Variants in NELL1 observed in about 807,000 individuals in gnomAD.
NELL1 encodes the protein protein kinase C-binding protein NELL1.
In NELL1, 76 loss-of-function variants were observed where a neutral mutation model predicts 107.4. That is an observed-to-expected ratio of 0.71 (90% CI 0.59 to 0.86). The LOEUF (loss-of-function observed/expected upper bound fraction) is 0.86. Ranked by LOEUF, NELL1 falls within the 40% of genes least tolerant of loss-of-function variation. NELL1 has a pLI of 0.00. For synonymous variants in NELL1, 353 were observed against 341.2 expected, an observed-to-expected ratio of 1.03 and a Z score of -0.38; for missense variants, 1,024 against 1,005.5, an observed-to-expected ratio of 1.02 and a Z score of -0.25.
intron 2 of NELL1, among the ~76,000 whole-genome samples, chr11:20,717,057 AGATTTTT>A (rs1379051879): frequency 6.6e-6 from 1 of 152,194 alleles, no homozygotes; most frequent in Non-Finnish European, 1.5e-5. Context: ...GGCTTGGTTC[AGATTTTT>A]GACAAACAAT....
chr11:21,141,248 GA>G (rs1855860236), intron 13 of NELL1, among the ~76,000 whole-genome samples: 1 of 152,098 alleles, frequency 6.6e-6, no homozygotes, highest in South Asian at 2.1e-4. Flanking sequence ...TTAAAAGAAA[GA>G]ATCTCACTGG....
In NELL1 at chr11:21,432,691, G is replaced by C. The variant is rs1852996472; in HGVS notation, c.1645+61743G>C. Among the ~76,000 whole-genome samples, 3 of 152,232 alleles carry C rather than the reference G, an allele frequency of 2.0e-5. No homozygotes were observed. In the South Asian group the frequency reaches 6.2e-4, roughly 32 times the overall value. On this transcript the variant is annotated intron_variant, in intron 15 of 19. Transcript: ENST00000357134. The stretch of plus-strand genomic sequence containing the variant: ...TCTATTCTGAATTTGGTAATTTTAT[G>C]AGGAAGGGATAAATTTATGAAGTAT...
chr11:21,076,872 G>C (rs568923610), intron 12 of NELL1, among the ~76,000 whole-genome samples: 2 of 151,860 alleles, frequency 1.3e-5, no homozygotes, highest in Non-Finnish European at 2.9e-5. Context: ...CTCTGTACAC[G>C]CTGAATCCCC....
intron 12 of NELL1, among the ~76,000 whole-genome samples, chr11:21,072,509 T>C (rs974847954): frequency 9.2e-5 from 14 of 152,180 alleles, no homozygotes; most frequent in African/African-American, 2.9e-4. Flanking sequence ...ATAAGAGCAT[T>C]CTTCATGCTG....
chr11:20,872,538 T>G, intron 4 of NELL1, among the ~76,000 whole-genome samples: 1 of 152,214 alleles, frequency 6.6e-6, no homozygotes, highest in Admixed American at 6.5e-5. Flanking sequence ...TTTGAAAAGC[T>G]TATGAGGCTA....
At chr11:20,682,813 C>A (rs1031597503) in intron 2 of NELL1, among the ~76,000 whole-genome samples, 1 of 151,954 alleles carries the variant, frequency 6.6e-6, no homozygotes, top group Non-Finnish European at 1.5e-5. Context: ...TTTGCATTTT[C>A]TAGAATTTTA....
rs149826311 is a variant in NELL1 at position 21,091,315 on chromosome 11, A to C, written c.1301-22274A>C. On this transcript the variant is annotated intron_variant, in intron 12 of 19. Coordinates refer to ENST00000357134, the MANE Select transcript of NELL1 (RefSeq NM_006157.5). ...TTGAGGAATTTCCAGCTAGTTAAAA[A>C]CTGGCCTTTATATAACTCTGGTTTA... is the stretch of plus-strand genomic sequence containing the variant. Among the ~76,000 whole-genome samples, 660 of 152,332 alleles carry C rather than the reference A, an allele frequency of 4.3e-3. 4 individuals are homozygous for C. The highest frequency in any genetic ancestry group is 0.015 in the African/African-American group (629 of 41,574).
At chr11:20,860,858 A>G (rs1041826794) in intron 4 of NELL1, among the ~76,000 whole-genome samples, 34 of 152,326 alleles carry the variant, frequency 2.2e-4, no homozygotes, top group Non-Finnish European at 2.2e-4. Context: ...GAGTACAAAC[A>G]TAAACTGATC....
intron 16 of NELL1, among the ~76,000 whole-genome samples, chr11:21,535,614 C>A (rs571346259): frequency 1.3e-5 from 2 of 152,218 alleles, no homozygotes; most frequent in South Asian, 2.1e-4. Context: ...ACTTTTGGAC[C>A]AGATGTTGGC....
At chr11:21,363,261 G>T (rs1851126838) in intron 14 of NELL1, among the ~76,000 whole-genome samples, 1 of 152,158 alleles carries the variant, frequency 6.6e-6, no homozygotes, top group African/African-American at 2.4e-5. Flanking sequence ...CAAGTTGGAG[G>T]CTGGGAGTAT....
chr11:20,915,893 C>T (rs1209274993), intron 5 of NELL1, among the ~76,000 whole-genome samples: 1 of 151,054 alleles, frequency 6.6e-6, no homozygotes, highest in African/African-American at 2.4e-5. Flanking sequence ...GCCAGACCTT[C>T]TGATTCTTAT....
In NELL1 at chr11:20,947,358, C is replaced by T; in HGVS notation, c.1094C>T (p.Thr365Ile). 1.2e-6 allele frequency: 2 copies of T among 1,613,852 alleles called. No individual in the cohort carries two copies. Among genetic ancestry groups the T allele is most frequent in the Non-Finnish European group, 1.7e-6 (2 of 1,179,834 alleles). ...CAGGGTGGAGTTTTAGTAAAAATTA[C>T]AGAAATGTGTCCTCCTTTGAACTGC... Reference protein sequence around the residue: ...ECRGGVLVKITEMCPPLNCSE... With the variant: ...ECRGGVLVKIIEMCPPLNCSE... Residue 365 changes from threonine to isoleucine, a missense_variant, in exon 11 of 20, where the codon ACA (threonine) becomes ATA (isoleucine). By Grantham distance (89) the Thr-to-Ile change is moderately conservative. Transcript: ENST00000357134.
chr11:20,747,215 A>G (rs1431175620), intron 2 of NELL1, among the ~76,000 whole-genome samples: 1 of 152,236 alleles, frequency 6.6e-6, no homozygotes, highest in African/African-American at 2.4e-5. Context: ...GTATAAAGAT[A>G]TATCAATGTA....
intron 14 of NELL1, among the ~76,000 whole-genome samples, chr11:21,273,029 A>G (rs1276588018): frequency 1.3e-5 from 2 of 152,268 alleles, no homozygotes; most frequent in Non-Finnish European, 2.9e-5. Flanking sequence ...GCTCCTCACC[A>G]GCAATGGAAC....
intron 14 of NELL1, among the ~76,000 whole-genome samples, chr11:21,274,419 A>G (rs1401939046): frequency 4.6e-5 from 7 of 152,208 alleles, no homozygotes; most frequent in Non-Finnish European, 8.8e-5. Flanking sequence ...GAGACCTACA[A>G]AGAGACTTAG....
In NELL1 at chr11:21,139,889, C is replaced by T. The variant is rs114270589; in HGVS notation, c.1426+26175C>T. ...AGCAACACAAGGATGTCATCAAGGA[C>T]CTGAGACCTTTCCTTTGTTCCCATT... On this transcript the variant is annotated intron_variant, in intron 13 of 19. Transcript: ENST00000357134. Among the ~76,000 whole-genome samples the T allele has an allele frequency of 5.4e-3, 824 of 152,154 alleles. 6 individuals are homozygous for T. The highest frequency in any genetic ancestry group is 0.019 in the African/African-American group (777 of 41,520).
At chr11:21,322,333 T>C (rs1850029968) in intron 14 of NELL1, among the ~76,000 whole-genome samples, 2 of 152,118 alleles carry the variant, frequency 1.3e-5, no homozygotes, top group African/African-American at 4.8e-5. Context: ...CATCTATGGT[T>C]CCTTCTAAAT....
intron 14 of NELL1, among the ~76,000 whole-genome samples, chr11:21,365,394 T>G (rs1194865848): frequency 6.6e-6 from 1 of 152,182 alleles, no homozygotes; most frequent in Non-Finnish European, 1.5e-5. Flanking sequence ...TTATTTAGCT[T>G]ATCTAAGCCA....
At chr11:21,280,410 C>T (rs1848967128) in intron 14 of NELL1, among the ~76,000 whole-genome samples, 1 of 152,130 alleles carries the variant, frequency 6.6e-6, no homozygotes, top group Non-Finnish European at 1.5e-5. Context: ...AACTTCATAC[C>T]ACTGAAAGAG....
Sources: gnomAD v4.1 joint callset for allele counts (sites outside exome capture counted in the v4.1 genomes callset) on GRCh38, gnomAD v4.1.1 for gene constraint, MANE v1.5 for transcripts, NCBI Gene and HGNC (gene_info 2026-07-23, HGNC 2026-07-21) for gene names.